Variants in TSHZ2 observed in about 807,000 individuals in gnomAD.
TSHZ2 encodes the protein teashirt homolog 2.
A neutral mutation model predicts 74.4 loss-of-function variants in TSHZ2; 21 were observed. The observed-to-expected ratio is 0.28, with a 90% CI of 0.20 to 0.41. The LOEUF (loss-of-function observed/expected upper bound fraction) is 0.41, where lower values mean the gene tolerates loss of function less well. Among genes scored for constraint, TSHZ2 ranks in the 10% least tolerant of loss-of-function variants. TSHZ2 has a pLI of 1.00. For synonymous variants in TSHZ2, 540 were observed against 515.3 expected (o/e 1.05, Z -0.65); for missense variants, 1,244 against 1,293.5 (o/e 0.96, Z 0.59).
At chr20:53,443,778 A>C (rs769905661) in intron 2 of TSHZ2, among the ~76,000 whole-genome samples, 9 of 152,228 alleles carry the variant, frequency 5.9e-5, no homozygotes, top group Non-Finnish European at 1.2e-4. Context: ...AAAATGAGCC[A>C]GTTATACACA....
chr20:53,298,076 C>G (rs577955436), intron 2 of TSHZ2, among the ~76,000 whole-genome samples: 7 of 152,274 alleles, frequency 4.6e-5, no homozygotes, highest in African/African-American at 1.7e-4. Context: ...ATGGGTGATC[C>G]TCTTCATGAG....
At chr20:53,417,287 T>G (rs1201830405) in intron 2 of TSHZ2, among the ~76,000 whole-genome samples, 4 of 150,762 alleles carry the variant, frequency 2.7e-5, no homozygotes, top group Non-Finnish European at 5.9e-5. Flanking sequence ...CACCATAGTT[T>G]TTTTTTTTTA....
chr20:53,381,851 C>T (rs1035937414), intron 2 of TSHZ2, among the ~76,000 whole-genome samples: 27 of 152,194 alleles, frequency 1.8e-4, no homozygotes, highest in African/African-American at 6.5e-4. Context: ...CAGAGATGTC[C>T]CCATTCCCAA....
rs149306805 is a variant in TSHZ2 at position 53,086,228 on chromosome 20, C to A, written c.40+112895C>A. 3.9e-4 allele frequency among the ~76,000 whole-genome samples: 59 copies of A among 152,314 alleles called. No homozygotes were observed. The East Asian group carries it at 0.011, about 28-fold the overall frequency. On this transcript the variant is annotated intron_variant, in intron 1 of 2. Coordinates refer to ENST00000371497, the MANE Select transcript of TSHZ2 (RefSeq NM_173485.6). ...TGTCTAAGGAGGGCGCTGGCATAGA[C>A]CAGGGAATTGATGCAAAGGTGGGGT...
chr20:53,453,599 GA>G (rs1240172037), intron 2 of TSHZ2, among the ~76,000 whole-genome samples: 1 of 152,164 alleles, frequency 6.6e-6, no homozygotes, highest in Non-Finnish European at 1.5e-5. Context: ...TTAAAACCAG[GA>G]GGGGAAAAGC....
chr20:53,251,321 G>A (rs548242265), intron 1 of TSHZ2, among the ~76,000 whole-genome samples: 1 of 152,238 alleles, frequency 6.6e-6, no homozygotes, highest in South Asian at 2.1e-4. Flanking sequence ...ATGTTACTTG[G>A]CTCAGTAACA....
At chr20:53,200,796 G>C (rs1988986908) in intron 1 of TSHZ2, among the ~76,000 whole-genome samples, 1 of 152,170 alleles carries the variant, frequency 6.6e-6, no homozygotes, top group Non-Finnish European at 1.5e-5. Context: ...CAAACAAGGA[G>C]AATAGTTCTT....
At position 53,106,017 on chromosome 20, in the gene TSHZ2, A is replaced by G. The variant is rs114304473; in HGVS notation, c.40+132684A>G. Among the ~76,000 whole-genome samples, 293 of 152,326 alleles carry G rather than the reference A, an allele frequency of 1.9e-3. 1 individual carries two copies. The highest frequency in any genetic ancestry group is 6.5e-3 in the African/African-American group (271 of 41,574). The stretch of plus-strand genomic sequence containing the variant: ...GGGGTACGATGTGACGCTTTGATAC[A>G]TGTATACATTGTGGAATTATCAAAT... On this transcript the variant is annotated intron_variant, in intron 1 of 2. Coordinates refer to ENST00000371497, the MANE Select transcript of TSHZ2 (RefSeq NM_173485.6).
intron 1 of TSHZ2, among the ~76,000 whole-genome samples, chr20:53,238,564 A>G (rs1989990515): frequency 6.6e-6 from 1 of 152,142 alleles, no homozygotes; most frequent in South Asian, 2.1e-4. Flanking sequence ...GAAGAGAGAA[A>G]GTTGTCATAT....
At chr20:53,324,771 A>G (rs1005393716) in intron 2 of TSHZ2, among the ~76,000 whole-genome samples, 2 of 152,168 alleles carry the variant, frequency 1.3e-5, no homozygotes, top group African/African-American at 4.8e-5. Flanking sequence ...ATCTGCTATG[A>G]TTTTGATGCA....
chr20:53,178,102 T>C (rs1568796890), intron 1 of TSHZ2: 1 of 152,282 alleles, frequency 6.6e-6, no homozygotes, highest in African/African-American at 2.4e-5. Context: ...ACTGGTTGCA[T>C]GACCTGGATA....
intron 2 of TSHZ2, among the ~76,000 whole-genome samples, chr20:53,467,144 T>C (rs532246142): frequency 6.6e-6 from 1 of 152,374 alleles, no homozygotes; most frequent in South Asian, 2.1e-4. Context: ...GTAGATATTA[T>C]GACTGTTTTC....
chr20:53,192,562 G>GAAAAA (rs35358292), intron 1 of TSHZ2, among the ~76,000 whole-genome samples: 1 of 127,256 alleles, frequency 7.9e-6, no homozygotes, highest in Non-Finnish European at 1.7e-5. Flanking sequence ...TTAGTGTCTG[G>GAAAAA]AAAAAAAAAA....
At chr20:53,103,400 TTAAAA>T (rs1165780132) in intron 1 of TSHZ2, among the ~76,000 whole-genome samples, 3 of 152,196 alleles carry the variant, frequency 2.0e-5, no homozygotes, top group Admixed American at 6.5e-5. Context: ...TTTCACAAAA[TTAAAA>T]TAAGCCAACT....
At chr20:53,354,050 G>T (rs564391868) in intron 2 of TSHZ2, among the ~76,000 whole-genome samples, 1 of 152,312 alleles carries the variant, frequency 6.6e-6, no homozygotes, top group South Asian at 2.1e-4. Flanking sequence ...GTGTAATGCC[G>T]TCGTAGGCAC....
At chr20:53,228,152 A>G (rs945494046) in intron 1 of TSHZ2, among the ~76,000 whole-genome samples, 4 of 151,388 alleles carry the variant, frequency 2.6e-5, no homozygotes, top group Non-Finnish European at 5.9e-5. Context: ...ACTCACAGAG[A>G]CAGAATGGGA....
chr20:53,408,219 GT>G (rs1880936581), intron 2 of TSHZ2, among the ~76,000 whole-genome samples: 2 of 152,176 alleles, frequency 1.3e-5, no homozygotes, highest in Non-Finnish European at 2.9e-5. Context: ...CGTTCTCCAA[GT>G]TTGGAGTCTG....
intron 1 of TSHZ2, among the ~76,000 whole-genome samples, chr20:53,169,250 A>C (rs1433909121): frequency 6.6e-6 from 1 of 152,166 alleles, no homozygotes; most frequent in East Asian, 1.9e-4. Context: ...TTTATTTGAA[A>C]CAAAAACTGT....
At chr20:53,131,819 A>C (rs1389930275) in intron 1 of TSHZ2, among the ~76,000 whole-genome samples, 14 of 95,402 alleles carry the variant, frequency 1.5e-4, no homozygotes, top group South Asian at 5.0e-4. Flanking sequence ...TTGAATGACA[A>C]CCCCCCCCCC....
Sources: gnomAD v4.1 joint callset for allele counts (sites outside exome capture counted in the v4.1 genomes callset) on GRCh38, gnomAD v4.1.1 for gene constraint, MANE v1.5 for transcripts, NCBI Gene and HGNC (gene_info 2026-07-23, HGNC 2026-07-21) for gene names.